Variants in CNTN1 observed in about 807,000 individuals in gnomAD.
CNTN1 encodes contactin-1.
Under a neutral mutation model 126.4 loss-of-function variants are expected in CNTN1, and 38 were observed. The observed-to-expected ratio is 0.30, with a 90% CI of 0.23 to 0.39. CNTN1 has a LOEUF of 0.39. CNTN1 is among the 10% of genes least tolerant of loss of function. The pLI is 1.00. For missense variants in CNTN1, 1,009 were observed against 1,248.4 expected, an observed-to-expected ratio of 0.81 and a Z score of 2.89; for synonymous variants, 413 against 422.6, an observed-to-expected ratio of 0.98 and a Z score of 0.28.
At chr12:40,765,289 A>G (rs1417589869) in intron 1 of CNTN1, among the ~76,000 whole-genome samples, 2 of 152,152 alleles carry the variant, frequency 1.3e-5, no homozygotes, top group Non-Finnish European at 2.9e-5. Flanking sequence ...TTCGAGTAAT[A>G]TGTCAAATTT....
At chr12:40,955,295 T>C (rs1352695370) in intron 14 of CNTN1, among the ~76,000 whole-genome samples, 2 of 152,070 alleles carry the variant, frequency 1.3e-5, no homozygotes. Context: ...GCAAGACCTC[T>C]CTTTGGGCAA....
intron 15 of CNTN1, among the ~76,000 whole-genome samples, chr12:40,960,337 T>G (rs983354989): frequency 1.3e-5 from 2 of 152,074 alleles, no homozygotes; most frequent in African/African-American, 4.8e-5. Flanking sequence ...TAAAAATATT[T>G]ATTGAACATT....
chr12:40,967,200 C>A (rs1012227970), intron 15 of CNTN1, among the ~76,000 whole-genome samples: 1 of 151,720 alleles, frequency 6.6e-6, no homozygotes, highest in Non-Finnish European at 1.5e-5. Flanking sequence ...TAATAATAAT[C>A]AGCCTGGTGC....
intron 1 of CNTN1, among the ~76,000 whole-genome samples, chr12:40,811,581 T>A (rs1941063853): frequency 6.6e-6 from 1 of 152,124 alleles, no homozygotes; most frequent in African/African-American, 2.4e-5. Flanking sequence ...TTAGATTGCC[T>A]TACTTGTATT....
chr12:41,048,426 C>T (rs1186994100), intron 23 of CNTN1, among the ~76,000 whole-genome samples: 2 of 152,096 alleles, frequency 1.3e-5, no homozygotes, highest in South Asian at 2.1e-4. Flanking sequence ...CTGAAGCAGT[C>T]GACACCTACA....
At chr12:41,059,827 C>A (rs1364214515) in intron 23 of CNTN1, among the ~76,000 whole-genome samples, 1 of 152,052 alleles carries the variant, frequency 6.6e-6, no homozygotes, top group Non-Finnish European at 1.5e-5. Flanking sequence ...GAGTTCCAGA[C>A]CAGCCTGGGC....
intron 1 of CNTN1, among the ~76,000 whole-genome samples, chr12:40,755,693 G>A (rs916432159): frequency 1.3e-5 from 2 of 152,162 alleles, no homozygotes; most frequent in East Asian, 3.9e-4. Flanking sequence ...CTCAGTGACA[G>A]AGCGAGACCC....
chr12:41,033,334 T>G (rs1344916735), intron 23 of CNTN1, among the ~76,000 whole-genome samples: 1 of 152,180 alleles, frequency 6.6e-6, no homozygotes, highest in African/African-American at 2.4e-5. Flanking sequence ...AAAATATACA[T>G]ATAGCTATAA....
chr12:40,930,295 A>G (rs931173367), intron 7 of CNTN1, among the ~76,000 whole-genome samples: 1 of 152,018 alleles, frequency 6.6e-6, no homozygotes, highest in Non-Finnish European at 1.5e-5. Flanking sequence ...TACAGTGGAA[A>G]TCACTGACAT....
At chr12:40,723,006 G>C (rs1942257714) in intron 1 of CNTN1, among the ~76,000 whole-genome samples, 1 of 152,026 alleles carries the variant, frequency 6.6e-6, no homozygotes, top group Non-Finnish European at 1.5e-5. Context: ...TACTAGATCT[G>C]ACTTTAGGCA....
intron 7 of CNTN1, 51 bp downstream of exon 7, chr12:40,930,053 G>C (rs1945830740): frequency 2.3e-6 from 3 of 1,313,788 alleles, no homozygotes; most frequent in Non-Finnish European, 3.3e-6. Flanking sequence ...TCTACATATG[G>C]TATACTTACC....
intron 1 of CNTN1, among the ~76,000 whole-genome samples, chr12:40,875,996 T>C (rs1190770293): frequency 2.0e-5 from 3 of 152,082 alleles, no homozygotes; most frequent in Admixed American, 1.3e-4. Context: ...AAAGTCAGTG[T>C]CTATCTCAAG....
intron 1 of CNTN1, among the ~76,000 whole-genome samples, chr12:40,826,378 G>A (rs987223792): frequency 2.6e-5 from 4 of 152,246 alleles, no homozygotes; most frequent in African/African-American, 9.6e-5. Flanking sequence ...AAAACAAAGT[G>A]TATGTAGTTT....
At chr12:40,912,670 G>A (rs1303137681) in intron 3 of CNTN1, among the ~76,000 whole-genome samples, 2 of 151,802 alleles carry the variant, frequency 1.3e-5, no homozygotes, top group African/African-American at 4.8e-5. Context: ...TAGCTGTAGG[G>A]AGGACAGGTA....
chr12:40,943,532 C>A, intron 12 of CNTN1, 65 bp from the exon 13 acceptor site: 4 of 1,232,752 alleles, frequency 3.2e-6, no homozygotes, highest in African/African-American at 1.5e-5. Context: ...TGTTTGTAAT[C>A]TAAGACATAA....
chr12:40,818,788 C>G (rs1235996751), intron 1 of CNTN1, among the ~76,000 whole-genome samples: 1 of 151,964 alleles, frequency 6.6e-6, no homozygotes, highest in Non-Finnish European at 1.5e-5. Flanking sequence ...TTCATTAATT[C>G]TTTTTCATCT....
chr12:40,942,669 C>T (rs1946300259), intron 12 of CNTN1, among the ~76,000 whole-genome samples: 1 of 152,070 alleles, frequency 6.6e-6, no homozygotes, highest in African/African-American at 2.4e-5. Flanking sequence ...TCAGAGCTTC[C>T]ATGATCTTAA....
At chr12:40,900,899 G>A (rs1489881003) in intron 1 of CNTN1, among the ~76,000 whole-genome samples, 1 of 152,194 alleles carries the variant, frequency 6.6e-6, no homozygotes, top group Non-Finnish European at 1.5e-5. Flanking sequence ...TGCAAAGGAT[G>A]AGGGGATGTG....
At chr12:40,974,582 C>T (rs776539128) in intron 15 of CNTN1, among the ~76,000 whole-genome samples, 35 of 152,094 alleles carry the variant, frequency 2.3e-4, no homozygotes, top group Non-Finnish European at 4.0e-4. Context: ...AACCTAATAA[C>T]ATTTTTGAAT....
Sources: allele counts gnomAD v4.1 joint callset (sites outside exome capture counted in the v4.1 genomes callset), GRCh38; gene constraint gnomAD v4.1.1; transcripts MANE v1.5; gene names NCBI Gene and HGNC (gene_info 2026-07-23, HGNC 2026-07-21).